The following DLGAP2 variants were observed in gnomAD, a reference collection of about 807,000 sequenced individuals.
The protein encoded by DLGAP2 is disks large-associated protein 2.
In DLGAP2, 26 loss-of-function variants were observed where a neutral mutation model predicts 100.3. The ratio of observed to expected loss-of-function variants is 0.26; its 90% confidence interval spans 0.19 to 0.36. The LOEUF is 0.36. Among genes scored for constraint, DLGAP2 ranks in the 10% least tolerant of loss-of-function variants. The pLI is 1.00. For missense variants in DLGAP2, 1,858 were observed against 1,453.2 expected (o/e 1.28, Z -4.53); for synonymous variants, 886 against 630.1 (o/e 1.41, Z -6.08).
At chr8:1,091,016 G>A (rs1804162467) in intron 2 of DLGAP2, among the ~76,000 whole-genome samples, 1 of 152,146 alleles carries the variant, frequency 6.6e-6, no homozygotes, top group Non-Finnish European at 1.5e-5. Context: ...TTCAGCTTGA[G>A]GGACGTGGTG....
At chr8:1,355,069 G>A (rs552349006) in intron 3 of DLGAP2, among the ~76,000 whole-genome samples, 5 of 148,592 alleles carry the variant, frequency 3.4e-5, no homozygotes, top group East Asian at 2.0e-4. Context: ...CTGTGGATGA[G>A]GGTGGAAAGT....
chr8:1,274,283 C>T (rs554716625), intron 3 of DLGAP2, among the ~76,000 whole-genome samples: 14 of 152,168 alleles, frequency 9.2e-5, no homozygotes, highest in African/African-American at 3.1e-4. Context: ...ACTGGAATGA[C>T]GCACGCATGA....
chr8:1,192,943 A>G (rs2116734171), intron 2 of DLGAP2, among the ~76,000 whole-genome samples: 1 of 151,102 alleles, frequency 6.6e-6, no homozygotes, highest in East Asian at 2.0e-4. Context: ...TGTCCTTGTG[A>G]TAGTTTGCTG....
intron 2 of DLGAP2, among the ~76,000 whole-genome samples, chr8:1,206,075 G>A (rs573274382): frequency 6.6e-6 from 1 of 152,284 alleles, no homozygotes; most frequent in Non-Finnish European, 1.5e-5. Flanking sequence ...GGATATCTCT[G>A]AGCATTTAGA....
At chr8:1,492,981 T>C (rs1232940366) in intron 3 of DLGAP2, among the ~76,000 whole-genome samples, 1 of 152,068 alleles carries the variant, frequency 6.6e-6, no homozygotes, top group Non-Finnish European at 1.5e-5. Context: ...TAGCATTCCT[T>C]GGGGAGGATG....
At chr8:1,337,421 T>G in intron 3 of DLGAP2, among the ~76,000 whole-genome samples, 2 of 8,772 alleles carry the variant, frequency 2.3e-4, no homozygotes, top group Non-Finnish European at 6.2e-4. Flanking sequence ...ATGGTGAGGA[T>G]GATGGTGATG....
intron 1 of DLGAP2, among the ~76,000 whole-genome samples, chr8:893,265 T>G (rs556077105): frequency 2.6e-5 from 4 of 152,056 alleles, no homozygotes; most frequent in Non-Finnish European, 5.9e-5. Flanking sequence ...ACTTTCCCTT[T>G]GGGTAAAATG....
chr8:1,028,396 G>T (rs1437446305), intron 2 of DLGAP2, among the ~76,000 whole-genome samples: 1 of 143,090 alleles, frequency 7.0e-6, no homozygotes, highest in Admixed American at 6.9e-5. Flanking sequence ...TCTCCAGGTC[G>T]GGTGTCAGGC....
At chr8:824,081 CTTCT>C (rs1489587363) in intron 1 of DLGAP2, among the ~76,000 whole-genome samples, 11 of 150,844 alleles carry the variant, frequency 7.3e-5, no homozygotes, top group African/African-American at 2.4e-4. Context: ...CTTTTTCCTT[CTTCT>C]TTCTTTCTTC....
intron 11 of DLGAP2, 34 bp downstream of exon 11, chr8:1,676,652 C>A (rs368932884): frequency 1.1e-5 from 18 of 1,582,922 alleles, no homozygotes; most frequent in Non-Finnish European, 1.0e-5. Context: ...CGGTGACCCC[C>A]GAGCGAGGGC....
At chr8:1,225,940 T>C (rs958386660) in intron 2 of DLGAP2, among the ~76,000 whole-genome samples, 2 of 152,188 alleles carry the variant, frequency 1.3e-5, no homozygotes, top group Non-Finnish European at 2.9e-5. Context: ...TAAATATATA[T>C]ATAATTTTTC....
At chr8:1,211,232 C>T (rs1314593621) in intron 2 of DLGAP2, among the ~76,000 whole-genome samples, 1 of 152,194 alleles carries the variant, frequency 6.6e-6, no homozygotes, top group Admixed American at 6.5e-5. Flanking sequence ...TGTTCATTTC[C>T]CAAGTAAAAT....
intron 2 of DLGAP2, among the ~76,000 whole-genome samples, chr8:1,238,732 ATGGCGCCATGTCTAGTTCTCTCACG>A (rs1167216215): frequency 4.6e-5 from 4 of 86,364 alleles, no homozygotes; most frequent in Non-Finnish European, 9.6e-5. Context: ...GTTCTCTCAC[ATGGCGCCATGTCTAGTTCTCTCACG>A]TGGCGCCGTG....
intron 3 of DLGAP2, among the ~76,000 whole-genome samples, chr8:1,468,252 C>G (rs948372898): frequency 6.6e-6 from 1 of 151,922 alleles, no homozygotes; most frequent in Non-Finnish European, 1.5e-5. Context: ...AGAATTGTGC[C>G]CTGTTCACAC....
chr8:1,140,411 C>T (rs1470344255), intron 2 of DLGAP2, among the ~76,000 whole-genome samples: 1 of 147,792 alleles, frequency 6.8e-6, no homozygotes. Flanking sequence ...CCCTAGGGTG[C>T]TTGTTCCCCT....
chr8:984,153 T>C (rs1800421225), intron 2 of DLGAP2, among the ~76,000 whole-genome samples: 1 of 152,150 alleles, frequency 6.6e-6, no homozygotes, highest in Non-Finnish European at 1.5e-5. Flanking sequence ...TTAAAAATCA[T>C]ATGGAAAGAA....
At chr8:1,651,550 G>A (rs536307218) in intron 8 of DLGAP2, among the ~76,000 whole-genome samples, 149 of 152,312 alleles carry the variant, frequency 9.8e-4, no homozygotes, top group South Asian at 2.5e-3. Context: ...TCCAGCACAT[G>A]GCGGCTGGGG....
chr8:1,466,713 G>A (rs1319171757), intron 3 of DLGAP2, among the ~76,000 whole-genome samples: 2 of 152,158 alleles, frequency 1.3e-5, no homozygotes, highest in Non-Finnish European at 2.9e-5. Flanking sequence ...GGCTGTGTGT[G>A]CCATGCAGCT....
intron 4 of DLGAP2, among the ~76,000 whole-genome samples, chr8:1,534,044 T>G (rs1308325913): frequency 6.6e-6 from 1 of 152,244 alleles, no homozygotes; most frequent in Non-Finnish European, 1.5e-5. Flanking sequence ...ACAAGCATTC[T>G]TCTTTTGCTG....
Sources: gnomAD v4.1 joint callset for allele counts (sites outside exome capture counted in the v4.1 genomes callset) on GRCh38, gnomAD v4.1.1 for gene constraint, MANE v1.5 for transcripts, NCBI Gene and HGNC (gene_info 2026-07-23, HGNC 2026-07-21) for gene names.